GALNT17: variants seen among roughly 807,000 people sequenced by gnomAD.
GALNT17 encodes polypeptide N-acetylgalactosaminyltransferase 17, also known as UDP-GalNAc:polypeptide N-acetylgalactosaminyltransferase-like 3.
A neutral mutation model predicts 63.7 loss-of-function variants in GALNT17; 29 were observed. The ratio of observed to expected loss-of-function variants is 0.46; its 90% CI spans 0.34 to 0.62. The LOEUF (loss-of-function observed/expected upper bound fraction) is 0.62. GALNT17 is among the 20% of genes least tolerant of loss of function. The pLI, the probability that GALNT17 is intolerant of heterozygous loss-of-function variation, is 0.01. For missense variants in GALNT17, 603 were observed against 799.6 expected (o/e 0.75, Z 2.97); for synonymous variants, 305 against 318.3 (o/e 0.96, Z 0.45).
In GALNT17 at chr7:71,496,330, G is replaced by A. The variant is rs142780061; in HGVS notation, c.963-74955G>A. On this transcript the variant is annotated intron_variant, in intron 5 of 10. Coordinates refer to ENST00000333538, the MANE Select transcript of GALNT17 (RefSeq NM_022479.3). ...GGCTCAAAGCATCAGTGGGCCAGTT[G>A]GAGACCGGGCTGTCTTACTCTGGTG... is the stretch of plus-strand genomic sequence containing the variant. 2.4e-3 allele frequency among the ~76,000 whole-genome samples: 358 copies of A among 152,136 alleles called. 3 individuals carry two copies. The highest frequency in any genetic ancestry group is 8.4e-3 in the African/African-American group (349 of 41,504).
chr7:71,689,861 C>T (rs1158804993), intron 9 of GALNT17, among the ~76,000 whole-genome samples: 1 of 152,156 alleles, frequency 6.6e-6, no homozygotes, highest in Non-Finnish European at 1.5e-5. Context: ...GAGGCGAATG[C>T]AGCTGGTGAC....
chr7:71,670,232 C>T (rs1341134312), intron 8 of GALNT17, 123 bp downstream of exon 8: 2 of 1,337,350 alleles, frequency 1.5e-6, no homozygotes. Flanking sequence ...AGGTGCTGGC[C>T]CTGATAGCAA....
At chr7:71,324,759 G>GTA (rs10553976) in intron 1 of GALNT17, among the ~76,000 whole-genome samples, 20 of 151,532 alleles carry the variant, frequency 1.3e-4, no homozygotes, top group Non-Finnish European at 2.5e-4. Context: ...ATGCGTGCGT[G>GTA]TATATATATA....
intron 9 of GALNT17, among the ~76,000 whole-genome samples, chr7:71,689,104 C>T (rs1167836207): frequency 2.0e-5 from 3 of 151,958 alleles, no homozygotes; most frequent in Non-Finnish European, 4.4e-5. Flanking sequence ...TAGACAGGAC[C>T]GCGAACGTAA....
chr7:71,309,536 T>C (rs1490201522), intron 1 of GALNT17, among the ~76,000 whole-genome samples: 1 of 152,140 alleles, frequency 6.6e-6, no homozygotes, highest in Non-Finnish European at 1.5e-5. Context: ...TCTACACTTT[T>C]GTCGTGTCAT....
At chr7:71,353,382 A>G (rs578171188) in intron 2 of GALNT17, among the ~76,000 whole-genome samples, 1 of 152,322 alleles carries the variant, frequency 6.6e-6, no homozygotes, top group East Asian at 1.9e-4. Flanking sequence ...ACCACAGGAC[A>G]ATATGATAGT....
chr7:71,435,696 G>T (rs960226850), intron 5 of GALNT17, among the ~76,000 whole-genome samples: 1 of 151,980 alleles, frequency 6.6e-6, no homozygotes, highest in Admixed American at 6.6e-5. Flanking sequence ...TCAACTCACT[G>T]GCCTTCCCCC....
At chr7:71,476,519 G>C (rs1787725702) in intron 5 of GALNT17, among the ~76,000 whole-genome samples, 1 of 151,858 alleles carries the variant, frequency 6.6e-6, no homozygotes, top group South Asian at 2.1e-4. Context: ...AAAAAAGAGT[G>C]AAGTGAAGAA....
At chr7:71,283,405 A>G (rs897975259) in intron 1 of GALNT17, among the ~76,000 whole-genome samples, 1 of 151,994 alleles carries the variant, frequency 6.6e-6, no homozygotes, top group South Asian at 2.1e-4. Flanking sequence ...TATTGATTTT[A>G]TTGTATTACA....
At chr7:71,505,919 G>A (rs1341843656) in intron 5 of GALNT17, among the ~76,000 whole-genome samples, 2 of 152,124 alleles carry the variant, frequency 1.3e-5, no homozygotes, top group African/African-American at 4.8e-5. Context: ...TCCATAATAA[G>A]CTTCATATAC....
At chr7:71,336,032 CTTTTTTTTT>C (rs1167623885) in intron 2 of GALNT17, among the ~76,000 whole-genome samples, 3 of 21,286 alleles carry the variant, frequency 1.4e-4, no homozygotes, top group Non-Finnish European at 2.6e-4. Flanking sequence ...TTCTTTCTTC[CTTTTTTTTT>C]TTTTTTTTTT....
intron 6 of GALNT17, among the ~76,000 whole-genome samples, chr7:71,621,501 A>AGATGGATGGATG (rs71816496): frequency 0.023 from 962 of 42,536 alleles, 23 homozygotes; most frequent in East Asian, 0.074. Flanking sequence ...ATTGATGGAT[A>AGATGGATGGATG]GATGGATGGA....
intron 6 of GALNT17, among the ~76,000 whole-genome samples, chr7:71,621,482 A>ATTG (rs1790288762): frequency 9.4e-6 from 1 of 106,536 alleles, no homozygotes; most frequent in Admixed American, 1.1e-4. Context: ...TGAATGGATG[A>ATTG]ATGGATGGAT....
At chr7:71,387,294 C>A (rs1396544625) in intron 2 of GALNT17, among the ~76,000 whole-genome samples, 1 of 149,226 alleles carries the variant, frequency 6.7e-6, no homozygotes, top group African/African-American at 2.5e-5. Context: ...ACTTTTGCAC[C>A]AACCTAATAC....
rs141955642 is a variant in GALNT17, at chr7:71,338,940, A to G, written c.422+3207A>G. Among the ~76,000 whole-genome samples the G allele has an allele frequency of 2.0e-3, 309 of 152,316 alleles. 3 individuals carry two copies. Among genetic ancestry groups the G allele is most frequent in the African/African-American group, 7.2e-3 (301 of 41,576 alleles). On this transcript the variant is annotated intron_variant, in intron 2 of 10. Coordinates refer to ENST00000333538, the MANE Select transcript of GALNT17 (RefSeq NM_022479.3). ...CCAAATAAGCATGTATTCATTTAGA[A>G]TCACTAGGAAAATATACATCACCCC...
rs143450144 is a variant in GALNT17 at position 71,633,757 on chromosome 7, C to G, written c.1081-31654C>G. ...GAAATGAGTCATCTCAGAGACAAGC[C>G]TCTCACTCATTCCTACCAGCTGCTG... is the stretch of plus-strand genomic sequence containing the variant. On this transcript the variant is annotated intron_variant, in intron 6 of 10. Transcript: ENST00000333538. Among the ~76,000 whole-genome samples, 287 of 152,322 alleles carry G rather than the reference C, an allele frequency of 1.9e-3. 4 individuals carry two copies. In the East Asian group the frequency reaches 0.024, roughly 13 times the overall value.
chr7:71,669,560 CTTTTT>C (rs563584462), intron 7 of GALNT17, among the ~76,000 whole-genome samples: 5 of 125,028 alleles, frequency 4.0e-5, no homozygotes, highest in Non-Finnish European at 1.7e-5. Context: ...GGCTTAAGAT[CTTTTT>C]TTTTTTTTTT....
chr7:71,602,385 A>G (rs1789979048), intron 6 of GALNT17, among the ~76,000 whole-genome samples: 1 of 152,148 alleles, frequency 6.6e-6, no homozygotes, highest in Non-Finnish European at 1.5e-5. Flanking sequence ...ACACACCCCA[A>G]AACAGATTGA....
At chr7:71,623,658 A>G (rs907272786) in intron 6 of GALNT17, among the ~76,000 whole-genome samples, 2 of 149,080 alleles carry the variant, frequency 1.3e-5, no homozygotes, top group South Asian at 4.3e-4. Context: ...CTGGTCTCAA[A>G]CTCCTGACCT....
Sources: gnomAD v4.1 joint callset for allele counts (sites outside exome capture counted in the v4.1 genomes callset) on GRCh38, gnomAD v4.1.1 for gene constraint, MANE v1.5 for transcripts, NCBI Gene and HGNC (gene_info 2026-07-23, HGNC 2026-07-21) for gene names.